KIF26A: variants seen among roughly 807,000 people sequenced by gnomAD.
KIF26A encodes kinesin-like protein KIF26A.
In KIF26A, 74 loss-of-function variants were observed where a neutral mutation model predicts 126.0. That is an observed-to-expected ratio of 0.59 (90% CI 0.49 to 0.71). The LOEUF is 0.71. Ranked by LOEUF, KIF26A falls within the 30% of genes least tolerant of loss-of-function variation. The pLI is 0.00. For missense variants in KIF26A, 2,984 were observed against 2,763.3 expected (o/e 1.08, Z -1.79); for synonymous variants, 1,445 against 1,232.7 (o/e 1.17, Z -3.61).
intron 2 of KIF26A, among the ~76,000 whole-genome samples, chr14:104,150,450 G>A (rs1012316780): frequency 1.3e-5 from 2 of 151,952 alleles, no homozygotes; most frequent in Non-Finnish European, 2.9e-5. Flanking sequence ...ACTGTGGGGA[G>A]TGTGAGGTGG....
Position 104,152,302 on chromosome 14 carries a change from C to G in KIF26A, c.576C>G (p.Thr192=), listed in dbSNP as rs375531059. Residue 192 remains threonine, a synonymous_variant, in exon 3 of 15, where the codon ACC becomes ACG. Coordinates refer to ENST00000423312, the MANE Select transcript of KIF26A (RefSeq NM_015656.2). This position sits in a 1 kb window ranked among gnomAD's most constrained non-coding sequence, Gnocchi z 5.9. The part of the protein sequence containing the change: ...RQPGRAGPDR[T]KGLAWSPGPS... ...CAGGACGAGCTGGGCCAGACAGGAC[C>G]AAGGGGCTGGCCTGGTCCCCCGGGC... 2.8e-5 allele frequency: 44 copies of G among 1,586,154 alleles called. No individual in the cohort carries two copies. The highest frequency in any genetic ancestry group is 3.8e-5 in the Non-Finnish European group (44 of 1,168,588).
In KIF26A at chr14:104,178,383, G is replaced by A. The variant is rs540732316; in HGVS notation, c.5111-167G>A. On this transcript the variant is annotated intron_variant, in intron 12 of 14. Transcript: ENST00000423312. ...CTTGAGAGCTGTGGGCCTGGCTTGG[G>A]GTCGGCTTCCTCCCTGCCCTGGGCA... is the stretch of plus-strand genomic sequence containing the variant. 2.6e-5 allele frequency among the ~76,000 whole-genome samples: 4 copies of A among 152,210 alleles called. No homozygotes were observed. In the East Asian group the frequency reaches 7.7e-4, roughly 29 times the overall value.
intron 4 of KIF26A, 41 bp from the exon 5 acceptor site, chr14:104,166,818 T>C (rs918743101): frequency 2.0e-6 from 3 of 1,486,582 alleles, no homozygotes; most frequent in Non-Finnish European, 2.7e-6. Context: ...GAACAGCTGC[T>C]GTCACCCACC....
intron 7 of KIF26A, 41 bp from the exon 8 acceptor site, chr14:104,172,936 G>C (rs766662659): frequency 4.6e-6 from 7 of 1,533,946 alleles, no homozygotes; most frequent in Non-Finnish European, 6.1e-6. Context: ...AAGGCTCCTT[G>C]CGTGGTGTGT....
At chr14:104,155,542 C>G (rs1458559824) in intron 3 of KIF26A, among the ~76,000 whole-genome samples, 2 of 152,152 alleles carry the variant, frequency 1.3e-5, no homozygotes, top group African/African-American at 2.4e-5. Context: ...CCCGCCCCCC[C>G]TCTCTTCTGC....
At chr14:104,160,757 G>A (rs2037825843) in intron 4 of KIF26A, among the ~76,000 whole-genome samples, 1 of 152,222 alleles carries the variant, frequency 6.6e-6, no homozygotes, top group Non-Finnish European at 1.5e-5. Context: ...TGCCTCCTCT[G>A]AGGTACTTCC....
chr14:104,144,333 G>T (rs1455996525), intron 2 of KIF26A, among the ~76,000 whole-genome samples: 1 of 152,174 alleles, frequency 6.6e-6, no homozygotes, highest in Non-Finnish European at 1.5e-5. Flanking sequence ...TGCTCTGGGG[G>T]AGTCTGGCCG....
At chr14:104,167,767 C>G (rs984648621) in intron 5 of KIF26A, among the ~76,000 whole-genome samples, 6 of 152,298 alleles carry the variant, frequency 3.9e-5, no homozygotes, top group African/African-American at 1.4e-4. Context: ...TCACACAGCT[C>G]TGTGTGTGCC....
chr14:104,158,483 G>C (rs541107684), intron 4 of KIF26A, among the ~76,000 whole-genome samples: 1 of 152,230 alleles, frequency 6.6e-6, no homozygotes, highest in African/African-American at 2.4e-5. Context: ...GGGCTTGAGC[G>C]GGTGCCCACG....
chr14:104,167,289 T>C (rs771241059), intron 5 of KIF26A, among the ~76,000 whole-genome samples: 3 of 151,858 alleles, frequency 2.0e-5, no homozygotes, highest in African/African-American at 4.8e-5. Context: ...CAGGGGCATG[T>C]ACTAGGTTCA....
chr14:104,179,631 GCCCGAGTCGGCCGAGTA>G lies in KIF26A; in HGVS notation c.5493_5509del (p.Glu1832GlyfsTer126). Reference sequence around the variant, plus strand: ...CAGTTGAGGTGGACCCGGAGCTGGAGCCCGAGTCGGCCGAGTACCTGGCGGCCCTGGAGCGAGCCACG... The same window carrying G: ...CAGTTGAGGTGGACCCGGAGCTGGAGCCTGGCGGCCCTGGAGCGAGCCACG... On this transcript the variant is annotated frameshift_variant, in exon 15 of 15. Coordinates refer to ENST00000423312, the MANE Select transcript of KIF26A (RefSeq NM_015656.2). LOFTEE classifies it high-confidence loss of function. The G allele has an allele frequency of 6.5e-7, 1 of 1,539,566 alleles. No homozygotes were observed. The highest frequency in any genetic ancestry group is 8.8e-7 in the Non-Finnish European group (1 of 1,141,496).
At position 104,171,814 on chromosome 14, in the gene KIF26A, A is replaced by T; in HGVS notation, c.1205A>T (p.Gln402Leu). ...CTGAAGGTGGACCCTCGGAAGAAGCAGGTGATCCTCTACGATCCCGCCGCC... is the reference window on the plus strand; with the variant it reads ...CTGAAGGTGGACCCTCGGAAGAAGCTGGTGATCCTCTACGATCCCGCCGCC... ...SFLKVDPRKK[Q>L]VILYDPAAGP... The change falls in exon 6 of 15, where the codon CAG (glutamine) becomes CTG (leucine). Residue 402 changes from glutamine (Q) to leucine (L), a missense_variant. Physicochemically the swap from Gln to Leu is moderately radical, Grantham distance 113. Transcript: ENST00000423312. The T allele has an allele frequency of 6.4e-7, 1 of 1,566,748 alleles. No individual in the cohort carries two copies. The highest frequency in any genetic ancestry group is 1.2e-5 in the South Asian group (1 of 84,932).
rs1427272129 is a variant in KIF26A at position 104,173,815 on chromosome 14, C to T, written c.1977C>T (p.Ala659=). The change falls in exon 10 of 15, where the codon GCC becomes GCT. Residue 659 remains alanine (A), a synonymous_variant. Transcript: ENST00000423312. ...GTCCCCTGTGTCTGTCCCTGTCGGC[C>T]CTGGGCAGCGTCATCTTGGCCCTGG... The part of the protein sequence containing the change: ...AGGPLCLSLS[A]LGSVILALVN... 6.2e-7 allele frequency: 1 copy of T among 1,602,944 alleles called. No homozygotes were observed. The highest frequency in any genetic ancestry group is 1.3e-5 in the African/African-American group (1 of 74,892).
rs1156834393 is a variant in KIF26A at position 104,180,635 on chromosome 14, T to G, written c.*845T>G. 1 of 153,886 alleles carries G rather than the reference T, an allele frequency of 6.5e-6. No individual in the cohort carries two copies. Among genetic ancestry groups the G allele is most frequent in the Non-Finnish European group, 1.5e-5 (1 of 68,168 alleles). 9.5% of individuals were successfully genotyped at this position (153,886 alleles called of 1,614,324 possible). Reference sequence around the variant, plus strand: ...TTTTATGGTTTTCTAGGGAAGGTGTTCTGGGGGCCGGGCTCTCTCCAGCTG... The same window carrying G: ...TTTTATGGTTTTCTAGGGAAGGTGTGCTGGGGGCCGGGCTCTCTCCAGCTG... On this transcript the variant is annotated 3_prime_UTR_variant, in exon 15 of 15. Transcript: ENST00000423312.
intron 2 of KIF26A, among the ~76,000 whole-genome samples, chr14:104,145,576 T>G (rs2037673334): frequency 6.6e-6 from 1 of 151,778 alleles, no homozygotes; most frequent in Non-Finnish European, 1.5e-5. Context: ...TCTGACCCCA[T>G]GTGATGGGTG....
chr14:104,142,185 C>T (rs763614611), intron 2 of KIF26A, among the ~76,000 whole-genome samples: 6 of 152,128 alleles, frequency 3.9e-5, no homozygotes, highest in East Asian at 1.9e-4. Context: ...TCTGGTGCCC[C>T]GTCTGGGGCC....
rs1431021424 is a variant in KIF26A, at chr14:104,152,864, G to A, written c.735+403G>A. On this transcript the variant is annotated intron_variant, in intron 3 of 14. Transcript: ENST00000423312. The surrounding 1 kb of genome is among the most constrained non-coding windows in gnomAD (Gnocchi z 5.9). Reference sequence around the variant, plus strand: ...GGCCTGTGTGGAGGCCTGGGGGTGTGAGGCGTCCATGGACGTCGGGCGGGG... The same window carrying A: ...GGCCTGTGTGGAGGCCTGGGGGTGTAAGGCGTCCATGGACGTCGGGCGGGG... Among the ~76,000 whole-genome samples the A allele has an allele frequency of 1.3e-5, 2 of 152,134 alleles. No individual in the cohort carries two copies. Among genetic ancestry groups the A allele is most frequent in the Non-Finnish European group, 2.9e-5 (2 of 68,006 alleles).
At chr14:104,165,307 CTG>C (rs775713938) in intron 4 of KIF26A, among the ~76,000 whole-genome samples, 5 of 143,296 alleles carry the variant, frequency 3.5e-5, no homozygotes, top group Admixed American at 7.0e-5. Flanking sequence ...GCATGTGTGT[CTG>C]TGTGTCTCTA....
At chr14:104,178,236 C>T (rs1024567280) in intron 12 of KIF26A, among the ~76,000 whole-genome samples, 2 of 152,198 alleles carry the variant, frequency 1.3e-5, no homozygotes, top group African/African-American at 4.8e-5. Flanking sequence ...GGGTCCCGGG[C>T]CTCGTGCCTC....
Sources: gnomAD v4.1 joint callset for allele counts (sites outside exome capture counted in the v4.1 genomes callset) on GRCh38, gnomAD v4.1.1 for gene constraint, Gnocchi (gnomAD v3.1) non-coding constraint, MANE v1.5 for transcripts, NCBI Gene and HGNC (gene_info 2026-07-23, HGNC 2026-07-21) for gene names.